KMT5B: variants seen among roughly 807,000 people sequenced by gnomAD.
The protein encoded by KMT5B is lysine methyltransferase 5B.
A neutral mutation model predicts 83.2 loss-of-function variants in KMT5B; 10 were observed. The observed-to-expected ratio is 0.12, with a 90% CI of 0.07 to 0.20. The LOEUF (loss-of-function observed/expected upper bound fraction) is 0.20. KMT5B is among the 10% of genes least tolerant of loss of function. The probability of loss-of-function intolerance (pLI) is 1.00; values close to 1 mark genes in which losing one functional copy is unlikely to be tolerated. For missense variants in KMT5B, 753 were observed against 1,067.2 expected (o/e 0.71, Z 4.10); for synonymous variants, 349 against 388.8 (o/e 0.90, Z 1.20).
chr11:68,186,450 G>A (rs912313773), intron 2 of KMT5B, among the ~76,000 whole-genome samples: 1 of 152,226 alleles, frequency 6.6e-6, no homozygotes, highest in Admixed American at 6.5e-5. Flanking sequence ...AGGCAACTGA[G>A]GCCCAGACAA....
chr11:68,204,623 T>TC (rs1565262152), intron 1 of KMT5B, among the ~76,000 whole-genome samples: 1 of 128,968 alleles, frequency 7.8e-6, no homozygotes, highest in African/African-American at 3.2e-5. Context: ...TTTTTTTTTT[T>TC]TTTTTTTTTT....
rs1022649932 is a variant in KMT5B, at chr11:68,155,256, G to C, written c.*2432C>G. The C allele has an allele frequency of 1.3e-5, 2 of 152,094 alleles. No homozygotes were observed. The highest frequency in any genetic ancestry group is 4.8e-5 in the African/African-American group (2 of 41,416). The allele number at this position is 152,094 out of a possible 1,614,324, so 9.4% of individuals were successfully genotyped here. On this transcript the variant is annotated 3_prime_UTR_variant, in exon 11 of 11. Coordinates refer to ENST00000304363, the MANE Select transcript of KMT5B (RefSeq NM_017635.5). Reference sequence around the variant, plus strand: ...CACGGTGAAGTTCTACAGCAGATCCGGAACAGTTCCGAGGCCCCTACCTTT... The same window carrying C: ...CACGGTGAAGTTCTACAGCAGATCCCGAACAGTTCCGAGGCCCCTACCTTT...
At chr11:68,207,013 C>T (rs535986272) in intron 1 of KMT5B, among the ~76,000 whole-genome samples, 91 of 151,342 alleles carry the variant, frequency 6.0e-4, no homozygotes, top group African/African-American at 2.0e-3. Context: ...GAGGCTGAGG[C>T]GGGCGGATCA....
chr11:68,158,677 C>G lies in KMT5B; in HGVS notation c.1669G>C (p.Glu557Gln). 1 of 1,614,094 alleles carries G rather than the reference C, an allele frequency of 6.2e-7. No homozygotes were observed. Among genetic ancestry groups the G allele is most frequent in the Non-Finnish European group, 8.5e-7 (1 of 1,180,026 alleles). Residue 557 changes from glutamate to glutamine, a missense_variant, in exon 11 of 11, where the codon GAA (glutamate) becomes CAA (glutamine). By Grantham distance (29) the Glu-to-Gln change is conservative. Transcript: ENST00000304363. ...TTATAGCCATTCAACGTATTTGGTT[C>G]AAGCTTGATGTCAGAGGCCTCCTTC... The part of the protein sequence containing the change: ...NLKEASDIKL[E>Q]PNTLNGYKSS...
chr11:68,188,515 TTTTTTGTAGACACGGTAG>T (rs1857682108), intron 2 of KMT5B, among the ~76,000 whole-genome samples: 3 of 152,036 alleles, frequency 2.0e-5, no homozygotes, highest in Admixed American at 2.0e-4. Flanking sequence ...ATTGGCTAAT[TTTTTTGTAGACACGGTAG>T]TTTTTGTAGA....
chr11:68,177,117 T>C (rs1001855456), intron 4 of KMT5B, among the ~76,000 whole-genome samples: 7 of 152,180 alleles, frequency 4.6e-5, no homozygotes, highest in African/African-American at 9.6e-5. Context: ...TGAAGTGCTA[T>C]GGTGAAAAAT....
intron 2 of KMT5B, 27 bp from the exon 3 acceptor site, chr11:68,185,955 TA>T: frequency 6.4e-7 from 1 of 1,559,508 alleles, no homozygotes; most frequent in Non-Finnish European, 8.7e-7. Context: ...CAAGAAAAAT[TA>T]CTCAAATTGA....
intron 1 of KMT5B, among the ~76,000 whole-genome samples, chr11:68,206,290 C>G (rs1860103409): frequency 6.6e-6 from 1 of 152,186 alleles, no homozygotes; most frequent in Non-Finnish European, 1.5e-5. Flanking sequence ...AACAGCCATT[C>G]ACGGTTCTAG....
chr11:68,206,218 C>T (rs1289840945), intron 1 of KMT5B, among the ~76,000 whole-genome samples: 4 of 152,188 alleles, frequency 2.6e-5, no homozygotes, highest in Non-Finnish European at 5.9e-5. Context: ...ATCTGCTTAC[C>T]TAGCAGTGCC....
intron 1 of KMT5B, among the ~76,000 whole-genome samples, chr11:68,196,492 G>A (rs569261190): frequency 9.5e-5 from 14 of 147,348 alleles, no homozygotes; most frequent in African/African-American, 3.0e-4. Context: ...CATCCTAGAG[G>A]CACTCAACTG....
upstream of KMT5B, chr11:68,213,413 C>T (rs1861253914): frequency 1.4e-5 from 2 of 145,614 alleles, no homozygotes; most frequent in South Asian, 3.6e-4. Context: ...GCCCCCCGCG[C>T]CCCCGGCCTC....
intron 1 of KMT5B, among the ~76,000 whole-genome samples, chr11:68,199,291 A>C (rs1482774973): frequency 1.9e-4 from 29 of 152,158 alleles, no homozygotes; most frequent in Admixed American, 1.9e-3. Context: ...GAATGTCGGC[A>C]CCTTTTGGGG....
At chr11:68,212,643 CGG>C (rs1861061494) in intron 1 of KMT5B, 1 of 152,594 alleles carries the variant, frequency 6.6e-6, no homozygotes, top group Non-Finnish European at 1.5e-5. Flanking sequence ...GGGGACGCAG[CGG>C]CCGCGGGGTC....
At chr11:68,212,976 C>A (rs1486894467) in intron 1 of KMT5B, among the ~76,000 whole-genome samples, 162 bp downstream of exon 1, 3 of 140,488 alleles carry the variant, frequency 2.1e-5, no homozygotes, top group Admixed American at 7.0e-5. Flanking sequence ...CGCAGCCCCG[C>A]CCCCCGCGCC....
rs1437050028 is a variant in KMT5B, at chr11:68,171,501, A to C, written c.820+42T>G. The stretch of plus-strand genomic sequence containing the variant: ...CAAGGCCATTCTAGCAGTTAGCAGG[A>C]ATGGCCAACACTAGCGCCAACACCT... On this transcript the variant is annotated intron_variant, in intron 7 of 10. Coordinates refer to ENST00000304363, the MANE Select transcript of KMT5B (RefSeq NM_017635.5). The surrounding 1 kb of genome is among the most constrained non-coding windows in gnomAD (Gnocchi z 5.1). The C allele has an allele frequency of 6.3e-7, 1 of 1,590,706 alleles. No individual in the cohort carries two copies. Among genetic ancestry groups the C allele is most frequent in the African/African-American group, 1.3e-5 (1 of 74,178 alleles).
chr11:68,186,279 C>A (rs975540998), intron 2 of KMT5B, among the ~76,000 whole-genome samples: 3 of 152,142 alleles, frequency 2.0e-5, no homozygotes, highest in Non-Finnish European at 2.9e-5. Flanking sequence ...CAAGACAATA[C>A]ACAGGGCCAT....
Position 68,174,920 on chromosome 11 carries a change from TAA to T in KMT5B, c.543+96_543+97del, listed in dbSNP as rs1267474645. 31 of 1,122,014 alleles carry T rather than the reference TAA, an allele frequency of 2.8e-5. No homozygotes were observed. The East Asian group carries it at 7.8e-4, about 28-fold the overall frequency. 69.5% of individuals were successfully genotyped at this position (1,122,014 alleles called of 1,614,324 possible). On this transcript the variant is annotated intron_variant, in intron 5 of 10. Coordinates refer to ENST00000304363, the MANE Select transcript of KMT5B (RefSeq NM_017635.5). ...TCAGACTGATTAGTTTTATGAAAAA[TAA>T]ATTTAAAATTTCAGTATTAACTAAC... is the stretch of plus-strand genomic sequence containing the variant.
In KMT5B at chr11:68,156,462, C is replaced by CA. The variant is rs1330825008; in HGVS notation, c.*1225dup. ...CTTTTTGTTTAACTGATAATATAGT[C>CA]AAAAAAATCTTTGATGTTTTCATAA... On this transcript the variant is annotated 3_prime_UTR_variant, in exon 11 of 11. Transcript: ENST00000304363. 2 of 152,520 alleles carry CA rather than the reference C, an allele frequency of 1.3e-5. No homozygotes were observed. The highest frequency in any genetic ancestry group is 1.9e-4 in the East Asian group (1 of 5,196). 9.4% of individuals were successfully genotyped at this position (152,520 alleles called of 1,614,324 possible). A position where few individuals can be genotyped will look rare whatever the true frequency, so the allele number is the denominator to read the frequency against.
At chr11:68,196,394 G>C (rs932980798) in intron 1 of KMT5B, among the ~76,000 whole-genome samples, 4 of 150,040 alleles carry the variant, frequency 2.7e-5, no homozygotes, top group Non-Finnish European at 5.9e-5. Context: ...TATTGTTTAA[G>C]TGTCTGCTTC....
Sources: allele counts gnomAD v4.1 joint callset (sites outside exome capture counted in the v4.1 genomes callset), GRCh38; gene constraint gnomAD v4.1.1; non-coding constraint Gnocchi (gnomAD v3.1); transcripts MANE v1.5; gene names NCBI Gene and HGNC (gene_info 2026-07-23, HGNC 2026-07-21).